The following MLPH variants were observed in gnomAD, a reference collection of about 807,000 sequenced individuals.
The protein encoded by MLPH is melanophilin, also known as exophilin-3.
A neutral mutation model predicts 72.1 loss-of-function variants in MLPH; 51 were observed. That is an observed-to-expected ratio of 0.71 (90% CI 0.56 to 0.89). MLPH has a LOEUF of 0.89. Ranked by LOEUF, MLPH falls within the 40% of genes least tolerant of loss-of-function variation. The probability of loss-of-function intolerance (pLI) is 0.00; values close to 1 mark genes in which losing one functional copy is unlikely to be tolerated. For missense variants in MLPH, 743 were observed against 759.9 expected (o/e 0.98, Z 0.26); for synonymous variants, 301 against 310.1 (o/e 0.97, Z 0.31).
rs2080287253 is a variant in MLPH at position 237,525,659 on chromosome 2, A to G, written c.734A>G (p.Glu245Gly). ...KAAPHKAEGL[E>G]EADTGASGCH... The stretch of plus-strand genomic sequence containing the variant: ...GCCCCTCACAAGGCTGAGGGCCTGG[A>G]GGAGGCTGATACTGGGGCCTCTGGG... Residue 245 changes from glutamate (E) to glycine (G), a missense_variant, in exon 7 of 16, where the codon GAG becomes GGG. Transcript: ENST00000264605. The G allele has an allele frequency of 1.9e-6, 3 of 1,614,116 alleles. No homozygotes were observed. Among genetic ancestry groups the G allele is most frequent in the Non-Finnish European group, 2.5e-6 (3 of 1,180,012 alleles).
At chr2:237,494,185 GGGGCAGAGAGCAGAGGACAGA>G (rs1277333658) in intron 2 of MLPH, among the ~76,000 whole-genome samples, 1 of 152,166 alleles carries the variant, frequency 6.6e-6, no homozygotes, top group African/African-American at 2.4e-5. Context: ...GGCGAAGGGG[GGGGCAGAGAGCAGAGGACAGA>G]GGGCAGAGGG....
intron 9 of MLPH, among the ~76,000 whole-genome samples, chr2:237,539,590 C>T (rs369345802): frequency 6.6e-6 from 1 of 152,202 alleles, no homozygotes; most frequent in Non-Finnish European, 1.5e-5. Context: ...GAAAGGCCAG[C>T]GTCCACAACA....
At chr2:237,518,348 G>T (rs1347728872) in intron 4 of MLPH, 191 bp from the exon 5 acceptor site, 1 of 682,830 alleles carries the variant, frequency 1.5e-6, no homozygotes, top group Non-Finnish European at 2.7e-6. Context: ...GATAAATAGG[G>T]GGATGGGTGG....
rs1176923317 is a variant in MLPH at position 237,510,150 on chromosome 2, G to T, written c.111-424G>T. 3.0e-5 allele frequency: 9 copies of T among 297,602 alleles called. No homozygotes were observed. Among genetic ancestry groups the T allele is most frequent in the South Asian group, 6.7e-5 (2 of 29,818 alleles). 18.4% of individuals were successfully genotyped at this position (297,602 alleles called of 1,614,324 possible). On this transcript the variant is annotated intron_variant, in intron 2 of 15. Transcript: ENST00000264605. The surrounding 1 kb of genome is among the most constrained non-coding windows in gnomAD (Gnocchi z 4.4). The stretch of plus-strand genomic sequence containing the variant: ...TGCGCTCTAGAGGAGCAAACCTGGG[G>T]CGTTAGCTCAACTCTTGCCCCCCTG...
chr2:237,551,539 G>GT (rs2081040703), intron 14 of MLPH, among the ~76,000 whole-genome samples: 1 of 152,206 alleles, frequency 6.6e-6, no homozygotes, highest in Admixed American at 6.5e-5. Context: ...AGAAGGGCGG[G>GT]TGCCTGCACC....
chr2:237,507,372 G>A (rs1207141396), intron 2 of MLPH: 1 of 152,120 alleles, frequency 6.6e-6, no homozygotes, highest in African/African-American at 2.4e-5. Flanking sequence ...CGGCCAGTTG[G>A]TAGTTTCTTA....
At chr2:237,514,044 T>C (rs1189340505) in intron 4 of MLPH, among the ~76,000 whole-genome samples, 1 of 152,164 alleles carries the variant, frequency 6.6e-6, no homozygotes, top group East Asian at 1.9e-4. Flanking sequence ...ATTGTCCATT[T>C]TTATGCTTAG....
At chr2:237,533,312 A>T (rs578096969) in intron 8 of MLPH, among the ~76,000 whole-genome samples, 2 of 151,050 alleles carry the variant, frequency 1.3e-5, no homozygotes, top group African/African-American at 4.9e-5. Flanking sequence ...TTAAAGATTT[A>T]TATGTATTTG....
chr2:237,534,726 T>C, intron 9 of MLPH, 79 bp downstream of exon 9: 2 of 1,159,532 alleles, frequency 1.7e-6, no homozygotes, highest in Non-Finnish European at 2.6e-6. Flanking sequence ...ACATGGGCTT[T>C]TGGGAGAAGA....
intron 4 of MLPH, among the ~76,000 whole-genome samples, chr2:237,514,896 A>C (rs1372066887): frequency 6.6e-6 from 1 of 152,178 alleles, no homozygotes; most frequent in Admixed American, 6.5e-5. Context: ...ATCTTCCCAG[A>C]CATTCCTAAA....
rs1253504864 is a variant in MLPH at position 237,512,282 on chromosome 2, T to C, written c.445+1181T>C. On this transcript the variant is annotated intron_variant, in intron 4 of 15. Transcript: ENST00000264605. The surrounding 1 kb of genome is among the most constrained non-coding windows in gnomAD (Gnocchi z 5.5). The stretch of plus-strand genomic sequence containing the variant: ...GAAGCAGAAGTTGGCATAGACACCT[T>C]TGAGCATTCAAGCTCTCGCCGGGCC... Among the ~76,000 whole-genome samples, 1 of 152,196 alleles carries C rather than the reference T, an allele frequency of 6.6e-6. No individual in the cohort carries two copies. Among genetic ancestry groups the C allele is most frequent in the Non-Finnish European group, 1.5e-5 (1 of 68,034 alleles).
upstream of MLPH, chr2:237,486,521 A>C (rs1017560381): frequency 6.6e-6 from 1 of 152,254 alleles, no homozygotes; most frequent in African/African-American, 2.4e-5. Flanking sequence ...CCTAGAGTCC[A>C]GGAGAAGAGC....
Position 237,532,068 on chromosome 2 carries a change from A to G in MLPH, c.1021-2496A>G, listed in dbSNP as rs61073749. On this transcript the variant is annotated intron_variant, in intron 8 of 15. Coordinates refer to ENST00000264605, the MANE Select transcript of MLPH (RefSeq NM_024101.7). Reference sequence around the variant, plus strand: ...CTTTATATGGAGGAAATTAAGCAGCAGAAAGAAGCTCCAAATGCAGCAGCG... The same window carrying G: ...CTTTATATGGAGGAAATTAAGCAGCGGAAAGAAGCTCCAAATGCAGCAGCG... 5.3e-3 allele frequency among the ~76,000 whole-genome samples: 803 copies of G among 152,344 alleles called. 5 individuals are homozygous for G. The highest frequency in any genetic ancestry group is 0.018 in the African/African-American group (757 of 41,568).
At chr2:237,526,198 G>A (rs1016095183) in intron 7 of MLPH, among the ~76,000 whole-genome samples, 1 of 152,174 alleles carries the variant, frequency 6.6e-6, no homozygotes, top group African/African-American at 2.4e-5. Context: ...CTGTTGATCA[G>A]GAGATCTTTA....
At chr2:237,526,078 T>G (rs1409572922) in intron 7 of MLPH, among the ~76,000 whole-genome samples, 3 of 152,158 alleles carry the variant, frequency 2.0e-5, no homozygotes, top group South Asian at 2.1e-4. Flanking sequence ...GGGTGGGACA[T>G]GCAGGCCTCC....
intron 12 of MLPH, chr2:237,545,413 G>A (rs2080893983): frequency 7.9e-7 from 1 of 1,269,184 alleles, no homozygotes; most frequent in Non-Finnish European, 1.0e-6. Flanking sequence ...TGCCTTTGTT[G>A]GGGTTCATTT....
intron 1 of MLPH, among the ~76,000 whole-genome samples, chr2:237,489,705 C>A (rs566432093): frequency 1.3e-5 from 2 of 152,118 alleles, no homozygotes; most frequent in Non-Finnish European, 2.9e-5. Flanking sequence ...TTTGCCCAGG[C>A]GAGTAATCAC....
At chr2:237,506,021 T>C (rs1204667631) in intron 2 of MLPH, among the ~76,000 whole-genome samples, 1 of 152,176 alleles carries the variant, frequency 6.6e-6, no homozygotes, top group Non-Finnish European at 1.5e-5. Flanking sequence ...CTGTCTCCCA[T>C]CGCTTAGTCC....
chr2:237,502,193 G>T (rs184639569), intron 2 of MLPH, among the ~76,000 whole-genome samples: 26 of 152,138 alleles, frequency 1.7e-4, no homozygotes, highest in Admixed American at 6.5e-4. Flanking sequence ...ATATCACTTG[G>T]GTATTAAGAA....
Sources: gnomAD v4.1 joint callset for allele counts (sites outside exome capture counted in the v4.1 genomes callset) on GRCh38, gnomAD v4.1.1 for gene constraint, Gnocchi (gnomAD v3.1) non-coding constraint, MANE v1.5 for transcripts, NCBI Gene and HGNC (gene_info 2026-07-23, HGNC 2026-07-21) for gene names.